Variants in DYNC2H1 observed in about 807,000 individuals in gnomAD.
DYNC2H1 encodes the protein cytoplasmic dynein 2 heavy chain 1.
In DYNC2H1, 410 loss-of-function variants were observed where a neutral mutation model predicts 570.0. That is an observed-to-expected ratio of 0.72 (90% CI 0.66 to 0.78). The LOEUF is 0.78. DYNC2H1 is among the 30% of genes least tolerant of loss of function. DYNC2H1 has a pLI of 0.00. For missense variants in DYNC2H1, 4,865 were observed against 5,046.4 expected, an observed-to-expected ratio of 0.96 and a Z score of 1.09; for synonymous variants, 1,688 against 1,677.6, an observed-to-expected ratio of 1.01 and a Z score of -0.15.
rs1864520607 is a variant in DYNC2H1, at chr11:103,244,079, T to A, written c.9918+288T>A. ...AGAAACAATTAAAGAAGCTTTGCAC[T>A]ACGTTATGACTAATGACACAAGTAT... On this transcript the variant is annotated intron_variant, in intron 64 of 88. Coordinates refer to ENST00000375735, the MANE Select transcript of DYNC2H1 (RefSeq NM_001377.3). The surrounding 1 kb of genome is among the most constrained non-coding windows in gnomAD (Gnocchi z 4.3). Among the ~76,000 whole-genome samples the A allele has an allele frequency of 6.6e-6, 1 of 152,164 alleles. No individual in the cohort carries two copies. The highest frequency in any genetic ancestry group is 6.5e-5 in the Admixed American group (1 of 15,270).
At chr11:103,162,236 C>T (rs1419826190) in intron 29 of DYNC2H1, among the ~76,000 whole-genome samples, 1 of 140,718 alleles carries the variant, frequency 7.1e-6, no homozygotes, top group African/African-American at 2.6e-5. Flanking sequence ...CTCACTCTAG[C>T]TTCAGTGAAT....
At position 103,109,685 on chromosome 11, in the gene DYNC2H1, T is replaced by A. The variant is rs778210743; in HGVS notation, c.111T>A (p.Leu37=). 1 of 1,613,962 alleles carries A rather than the reference T, an allele frequency of 6.2e-7. No individual in the cohort carries two copies. Among genetic ancestry groups the A allele is most frequent in the Non-Finnish European group, 8.5e-7 (1 of 1,179,894 alleles). The change falls in exon 1 of 89, where the codon CTT becomes CTA. Residue 37 remains leucine, a synonymous_variant. Transcript: ENST00000375735. The part of the protein sequence containing the change: ...LWDQPLLCNC[L]EINNFLDDGN... ...ATCAGCCACTGTTGTGCAACTGTCT[T>A]GAAATCAACAACTTCTTGGATGACG...
In DYNC2H1 at chr11:103,456,190, TAAA is replaced by T. The variant is rs1213039277; in HGVS notation, c.12567-84_12567-82del. 1.1e-3 allele frequency: 1,027 copies of T among 969,950 alleles called. 8 individuals are homozygous for T. In the African/African-American group the frequency reaches 0.015, roughly 14 times the overall value. 60.1% of individuals were successfully genotyped at this position (969,950 alleles called of 1,614,324 possible). A position where few individuals can be genotyped will look rare whatever the true frequency, so the allele number is the denominator to read the frequency against. ...ACATGGTAAATATTTTAATTTTAAA[TAAA>T]TAGGACTATATCTTCAGTTACTCTT... On this transcript the variant is annotated intron_variant, in intron 86 of 88. Coordinates refer to ENST00000375735, the MANE Select transcript of DYNC2H1 (RefSeq NM_001377.3).
Position 103,192,146 on chromosome 11 carries a change from G to T in DYNC2H1, c.7590G>T (p.Glu2530Asp). The T allele has an allele frequency of 6.4e-7, 1 of 1,561,228 alleles. No individual in the cohort carries two copies. Among genetic ancestry groups the T allele is most frequent in the Non-Finnish European group, 8.7e-7 (1 of 1,149,712 alleles). Residue 2530 changes from glutamate to aspartate, a missense_variant, in exon 47 of 89, where the codon GAG (glutamate) becomes GAT (aspartate). By Grantham distance (45) the Glu-to-Asp change is conservative (BLOSUM62 2). Transcript: ENST00000375735. Reference sequence around the variant, plus strand: ...ATGTGTTAGAAATTGTAGCATATGAGGCACGGCGCTTATTTCGTGACAAAA... The same window carrying T: ...ATGTGTTAGAAATTGTAGCATATGATGCACGGCGCTTATTTCGTGACAAAA... Reference protein sequence around the residue: ...LDYVLEIVAYEARRLFRDKIV... With the variant: ...LDYVLEIVAYDARRLFRDKIV...
chr11:103,470,445 A>G (rs1945338226), intron 88 of DYNC2H1, among the ~76,000 whole-genome samples: 1 of 152,164 alleles, frequency 6.6e-6, no homozygotes, highest in African/African-American at 2.4e-5. Context: ...ATTATTCTTT[A>G]AGTTTTAGGG....
chr11:103,414,541 C>T (rs898973779), intron 84 of DYNC2H1, among the ~76,000 whole-genome samples: 1 of 151,906 alleles, frequency 6.6e-6, no homozygotes, highest in South Asian at 2.1e-4. Context: ...ATTGTTTGAA[C>T]CCAGGAGAAA....
intron 88 of DYNC2H1, among the ~76,000 whole-genome samples, chr11:103,471,338 TAAG>T (rs1945379816): frequency 6.6e-6 from 1 of 152,144 alleles, no homozygotes; most frequent in South Asian, 2.1e-4. Flanking sequence ...CCATATCAGC[TAAG>T]AAGGAAAGAA....
chr11:103,317,228 C>G (rs1937901874), intron 80 of DYNC2H1, among the ~76,000 whole-genome samples: 1 of 152,018 alleles, frequency 6.6e-6, no homozygotes, highest in Non-Finnish European at 1.5e-5. Context: ...ACAAATCTCT[C>G]AATTCCTGTC....
chr11:103,120,992 TAGAA>T lies in DYNC2H1; in HGVS notation c.1320_1323del (p.Arg441LysfsTer16). ...CCAACTATAAGCAAAGAATTGATGT[TAGAA>T]AGAGAAACTTTACTGGCAAGACTTG... On this transcript the variant is annotated frameshift_variant, in exon 9 of 89. Coordinates refer to ENST00000375735, the MANE Select transcript of DYNC2H1 (RefSeq NM_001377.3). LOFTEE classifies it high-confidence loss of function. The T allele has an allele frequency of 6.3e-7, 1 of 1,591,560 alleles. No homozygotes were observed. The highest frequency in any genetic ancestry group is 2.3e-5 in the East Asian group (1 of 44,030).
chr11:103,444,671 A>G (rs1944369728), intron 85 of DYNC2H1, among the ~76,000 whole-genome samples: 1 of 152,214 alleles, frequency 6.6e-6, no homozygotes. Flanking sequence ...TTTAGTATGT[A>G]TGGTCAGGGA....
intron 84 of DYNC2H1, among the ~76,000 whole-genome samples, chr11:103,432,244 C>T (rs508454): frequency 0.55 from 84,268 of 151,946 alleles, 23,978 homozygotes; most frequent in East Asian, 0.72. Flanking sequence ...TTCAAAACAA[C>T]GATTTTTGGT....
intron 82 of DYNC2H1, among the ~76,000 whole-genome samples, chr11:103,354,188 A>C (rs78188643): frequency 2.7e-5 from 4 of 150,858 alleles, no homozygotes; most frequent in East Asian, 3.9e-4. Context: ...AAACAAAAAA[A>C]AAAAAAAAAA....
chr11:103,188,420 CTT>C lies in DYNC2H1; in HGVS notation c.7141-76_7141-75del, dbSNP rs1862163150. On this transcript the variant is annotated intron_variant, in intron 43 of 88. Coordinates refer to ENST00000375735, the MANE Select transcript of DYNC2H1 (RefSeq NM_001377.3). ...TGATTGCATTTAGAAATAATTGAAA[CTT>C]AGGCAAAAATATCCTTTATCATGAT... is the stretch of plus-strand genomic sequence containing the variant. The C allele has an allele frequency of 3.5e-5, 41 of 1,169,852 alleles. No individual in the cohort carries two copies. The South Asian group carries it at 7.6e-4, about 22-fold the overall frequency. The allele number at this position is 1,169,852 out of a possible 1,614,324, so 72.5% of individuals were successfully genotyped here. A position where few individuals can be genotyped will look rare whatever the true frequency, so the allele number is the denominator to read the frequency against.
intron 61 of DYNC2H1, among the ~76,000 whole-genome samples, chr11:103,234,642 T>G (rs1413493325): frequency 1.3e-5 from 2 of 151,982 alleles, no homozygotes; most frequent in African/African-American, 4.8e-5. Context: ...TTGATTGTCC[T>G]TGTTATTCTC....
intron 60 of DYNC2H1, among the ~76,000 whole-genome samples, chr11:103,232,190 G>C (rs1418333402): frequency 1.3e-5 from 2 of 151,792 alleles, no homozygotes; most frequent in East Asian, 1.9e-4. Flanking sequence ...GCAATGTTTT[G>C]ACTTCATTTA....
intron 80 of DYNC2H1, among the ~76,000 whole-genome samples, chr11:103,317,450 A>G (rs899465276): frequency 6.6e-6 from 1 of 151,204 alleles, no homozygotes; most frequent in African/African-American, 2.4e-5. Flanking sequence ...CTATTCGCTT[A>G]TTTTCCAATG....
rs1013313790 is a variant in DYNC2H1 at position 103,259,797 on chromosome 11, A to G, written c.10606-91A>G. ...TTTGATGGTTAAAGATACTTGTTTC[A>G]GAATCAGCTTTGAATCTGGAGGAAC... On this transcript the variant is annotated intron_variant, in intron 69 of 88. Transcript: ENST00000375735. 2.3e-5 allele frequency: 19 copies of G among 809,682 alleles called. No homozygotes were observed. In the African/African-American group the frequency reaches 3.2e-4, roughly 14 times the overall value. 50.2% of individuals were successfully genotyped at this position (809,682 alleles called of 1,614,324 possible).
chr11:103,368,189 T>C (rs2135548394), intron 83 of DYNC2H1, among the ~76,000 whole-genome samples: 1 of 152,340 alleles, frequency 6.6e-6, no homozygotes, highest in Admixed American at 6.5e-5. Flanking sequence ...ACTTTTAAAA[T>C]AATAGCTATA....
At chr11:103,144,994 C>A (rs1333383064) in intron 18 of DYNC2H1, among the ~76,000 whole-genome samples, 1 of 152,086 alleles carries the variant, frequency 6.6e-6, no homozygotes, top group Non-Finnish European at 1.5e-5. Context: ...GATTCCCCTG[C>A]CTCAGCCTCC....
Sources: allele counts gnomAD v4.1 joint callset (sites outside exome capture counted in the v4.1 genomes callset), GRCh38; gene constraint gnomAD v4.1.1; non-coding constraint Gnocchi (gnomAD v3.1); transcripts MANE v1.5; gene names NCBI Gene and HGNC (gene_info 2026-07-23, HGNC 2026-07-21).